DBF4B: variants seen among roughly 807,000 people sequenced by gnomAD.
The protein encoded by DBF4B is protein DBF4 homolog B.
DBF4B carries 49 observed loss-of-function variants against 53.4 expected under a neutral mutation model. The observed-to-expected ratio is 0.92, with a 90% CI of 0.73 to 1.16. The LOEUF (loss-of-function observed/expected upper bound fraction) is 1.16, where lower values mean the gene tolerates loss of function less well. Among genes scored for constraint, DBF4B ranks in the 50% most tolerant of loss-of-function variants. DBF4B has a pLI of 0.00. For synonymous variants in DBF4B, 257 were observed against 288.7 expected, an observed-to-expected ratio of 0.89 and a Z score of 1.11; for missense variants, 692 against 775.0, an observed-to-expected ratio of 0.89 and a Z score of 1.27.
chr17:44,730,075 T>G lies in DBF4B; in HGVS notation c.396T>G (p.Pro132=). The part of the protein sequence containing the change: ...MVDPKGSHPR[P]SRKPVDSVPL... The stretch of plus-strand genomic sequence containing the variant: ...ATCCAAAAGGCAGCCACCCCAGGCC[T>G]TCACGGAAACCCGTTGACTCGGTAA... Residue 132 remains proline, a synonymous_variant, in exon 4 of 14, where the codon CCT becomes CCG. Coordinates refer to ENST00000315005, the MANE Select transcript of DBF4B (RefSeq NM_145663.3). The G allele has an allele frequency of 6.2e-7, 1 of 1,612,522 alleles. No homozygotes were observed. Among genetic ancestry groups the G allele is most frequent in the East Asian group, 2.2e-5 (1 of 44,884 alleles).
intron 6 of DBF4B, among the ~76,000 whole-genome samples, chr17:44,733,059 G>GGAGGCT (rs1393397851): frequency 6.6e-6 from 1 of 151,720 alleles, no homozygotes; most frequent in Non-Finnish European, 1.5e-5. Flanking sequence ...CAGCTACTCG[G>GGAGGCT]GAGGCTGAGG....
intron 10 of DBF4B, among the ~76,000 whole-genome samples, chr17:44,744,291 A>G (rs1049505944): frequency 5.3e-5 from 8 of 151,964 alleles, no homozygotes; most frequent in African/African-American, 1.9e-4. Context: ...GCAAGCCTGT[A>G]GTCTAAGCTA....
chr17:44,711,913 C>T (rs1040230373), intron 2 of DBF4B, among the ~76,000 whole-genome samples: 8 of 149,120 alleles, frequency 5.4e-5, no homozygotes, highest in African/African-American at 1.7e-4. Context: ...CCAGCCTGGG[C>T]GACAGAGCAA....
At chr17:44,748,228 G>GCT in intron 12 of DBF4B, 113 bp from the exon 13 acceptor site, 2 of 1,395,932 alleles carry the variant, frequency 1.4e-6, no homozygotes, top group Non-Finnish European at 1.9e-6. Flanking sequence ...AGAGAAGGCA[G>GCT]CTCTCTCGGC....
At chr17:44,709,081 A>G (rs1287614190) in intron 1 of DBF4B, 1 of 792,592 alleles carries the variant, frequency 1.3e-6, no homozygotes, top group Non-Finnish European at 2.1e-6. Flanking sequence ...GGAGGTGGCC[A>G]AGAGGTCACG....
chr17:44,721,216 T>TTC (rs1973808381), intron 2 of DBF4B, among the ~76,000 whole-genome samples: 22 of 118,028 alleles, frequency 1.9e-4, no homozygotes, highest in African/African-American at 3.8e-4. Context: ...AACTAATTCT[T>TTC]CCCCCCCCCT....
At position 44,751,638 on chromosome 17, in the gene DBF4B, C is replaced by G; in HGVS notation, c.*385C>G. ...TTGAGTTGATTCAGTAAATCGACTT[C>G]AAATACTTGAAGGCTCCCACCTTCT... On this transcript the variant is annotated 3_prime_UTR_variant, in exon 14 of 14. Coordinates refer to ENST00000315005, the MANE Select transcript of DBF4B (RefSeq NM_145663.3). 1 of 1,376,292 alleles carries G rather than the reference C, an allele frequency of 7.3e-7. No homozygotes were observed. The highest frequency in any genetic ancestry group is 1.5e-5 in the African/African-American group (1 of 68,786). 85.3% of individuals were successfully genotyped at this position (1,376,292 alleles called of 1,614,324 possible). A position where few individuals can be genotyped will look rare whatever the true frequency, so the allele number is the denominator to read the frequency against.
At chr17:44,711,792 C>T (rs902360708) in intron 2 of DBF4B, among the ~76,000 whole-genome samples, 17 of 151,990 alleles carry the variant, frequency 1.1e-4, no homozygotes, top group South Asian at 2.1e-4. Flanking sequence ...AAAAATTAGC[C>T]GGGCGTGGTG....
At chr17:44,738,272 C>A in intron 8 of DBF4B, 107 bp from the exon 9 acceptor site, 2 of 1,270,486 alleles carry the variant, frequency 1.6e-6, no homozygotes, top group South Asian at 1.5e-5. Flanking sequence ...TCTTGCAAGG[C>A]TCTTAGGCTT....
chr17:44,748,645 A>G, intron 13 of DBF4B, 180 bp downstream of exon 13: 1 of 1,495,008 alleles, frequency 6.7e-7, no homozygotes, highest in Non-Finnish European at 8.9e-7. Context: ...CCTCCTGCCT[A>G]GCTCTGGTTT....
At chr17:44,723,864 A>T (rs1974062717) in intron 3 of DBF4B, among the ~76,000 whole-genome samples, 1 of 152,186 alleles carries the variant, frequency 6.6e-6, no homozygotes, top group African/African-American at 2.4e-5. Flanking sequence ...TCCTCCCAGC[A>T]CTTCGGGAGG....
At chr17:44,726,292 T>TATTTA (rs1974322742) in intron 3 of DBF4B, among the ~76,000 whole-genome samples, 1 of 132,054 alleles carries the variant, frequency 7.6e-6, no homozygotes, top group Non-Finnish European at 1.6e-5. Context: ...CCCGGCCCTT[T>TATTTA]TTTATTTATT....
rs775438310 is a variant in DBF4B at position 44,751,014 on chromosome 17, CCCTGTCTCAGACTTGGATACCTTTA to C, written c.1614_1638del (p.Leu539CysfsTer66). ...TCTGCATGAGGAAGTTTCCCCTTGCCCCTGTCTCAGACTTGGATACCTTTACCTGCTGCTCACACAAAGCCTGTGG... is the reference window on the plus strand; with the variant it reads ...TCTGCATGAGGAAGTTTCCCCTTGCCCCTGCTGCTCACACAAAGCCTGTGG... On this transcript the variant is annotated frameshift_variant, in exon 14 of 14. Coordinates refer to ENST00000315005, the MANE Select transcript of DBF4B (RefSeq NM_145663.3). LOFTEE classifies it low-confidence loss of function (END_TRUNC). 1.1e-5 allele frequency: 18 copies of C among 1,614,030 alleles called. No homozygotes were observed. The highest frequency in any genetic ancestry group is 1.5e-5 in the Non-Finnish European group (18 of 1,180,040).
chr17:44,711,293 A>G (rs1972843543), intron 2 of DBF4B, among the ~76,000 whole-genome samples: 1 of 151,936 alleles, frequency 6.6e-6, no homozygotes, highest in Admixed American at 6.6e-5. Flanking sequence ...CTCCAGATTG[A>G]TTCTTTAAAT....
At chr17:44,726,971 C>T (rs1266111553) in intron 3 of DBF4B, among the ~76,000 whole-genome samples, 2 of 151,700 alleles carry the variant, frequency 1.3e-5, no homozygotes, top group African/African-American at 2.4e-5. Context: ...TGGTGGTATG[C>T]GCCTGTAATC....
At chr17:44,717,020 G>T (rs1973391290) in intron 2 of DBF4B, among the ~76,000 whole-genome samples, 1 of 152,086 alleles carries the variant, frequency 6.6e-6, no homozygotes, top group Non-Finnish European at 1.5e-5. Flanking sequence ...ACTTTAGTGA[G>T]ATTTGGAGAG....
chr17:44,711,309 T>A (rs1048483916), intron 2 of DBF4B, among the ~76,000 whole-genome samples: 14 of 152,200 alleles, frequency 9.2e-5, no homozygotes, highest in East Asian at 5.8e-4. Context: ...TAAATTTTTT[T>A]AAATTATTAT....
At chr17:44,724,614 C>T (rs1279960398) in intron 3 of DBF4B, among the ~76,000 whole-genome samples, 2 of 152,124 alleles carry the variant, frequency 1.3e-5, no homozygotes, top group African/African-American at 2.4e-5. Flanking sequence ...CTCCTGACCT[C>T]GTGATCCTCC....
At chr17:44,733,160 G>A (rs1262484757) in intron 6 of DBF4B, among the ~76,000 whole-genome samples, 2 of 136,154 alleles carry the variant, frequency 1.5e-5, no homozygotes, top group Non-Finnish European at 3.1e-5. Flanking sequence ...GCGAGACTCC[G>A]TCTCAAAAAA....
Sources: allele counts gnomAD v4.1 joint callset (sites outside exome capture counted in the v4.1 genomes callset), GRCh38; gene constraint gnomAD v4.1.1; transcripts MANE v1.5; gene names NCBI Gene and HGNC (gene_info 2026-07-23, HGNC 2026-07-21).